Variants in USP24 observed in about 807,000 individuals in gnomAD.
The protein encoded by USP24 is ubiquitin carboxyl-terminal hydrolase 24.
USP24 carries 97 observed loss-of-function variants against 361.6 expected under a neutral mutation model. The observed-to-expected ratio is 0.27, with a 90% CI of 0.23 to 0.32. The LOEUF (loss-of-function observed/expected upper bound fraction) is 0.32. USP24 is among the 10% of genes least tolerant of loss of function. USP24 has a pLI of 1.00. For synonymous variants in USP24, 1,098 were observed against 1,124.6 expected (o/e 0.98, Z 0.47); for missense variants, 2,353 against 3,165.6 (o/e 0.74, Z 6.16).
chr1:55,068,101 A>G lies in USP24; in HGVS notation c.*944T>C, dbSNP rs1399443077. ...ATATACAACCAATACCAAGGGTTTC[A>G]GTAATTATGTTTTAAGCAAAAGCAA... On this transcript the variant is annotated 3_prime_UTR_variant, in exon 68 of 68. Transcript: ENST00000294383. 1 of 152,262 alleles carries G rather than the reference A, an allele frequency of 6.6e-6. No homozygotes were observed. Among genetic ancestry groups the G allele is most frequent in the Non-Finnish European group, 1.5e-5 (1 of 68,044 alleles). 9.4% of individuals were successfully genotyped at this position (152,262 alleles called of 1,614,324 possible).
chr1:55,090,675 G>C (rs1404736833), intron 54 of USP24, among the ~76,000 whole-genome samples: 2 of 152,088 alleles, frequency 1.3e-5, no homozygotes, highest in East Asian at 1.9e-4. Context: ...CCTTACTCTA[G>C]GTATATTCTA....
chr1:55,124,728 C>A, intron 34 of USP24, 100 bp from the exon 35 acceptor site: 1 of 1,316,312 alleles, frequency 7.6e-7, no homozygotes, highest in South Asian at 1.4e-5. Flanking sequence ...CGCCTCCTTT[C>A]CCTCCAAGGT....
chr1:55,137,331 G>A (rs1646765637), intron 28 of USP24, among the ~76,000 whole-genome samples, 184 bp downstream of exon 28: 1 of 152,198 alleles, frequency 6.6e-6, no homozygotes, highest in Non-Finnish European at 1.5e-5. Flanking sequence ...GATTTTGGAA[G>A]GAGAATGGGG....
chr1:55,135,161 A>G (rs1392060994), intron 28 of USP24, among the ~76,000 whole-genome samples: 1 of 152,138 alleles, frequency 6.6e-6, no homozygotes, highest in Non-Finnish European at 1.5e-5. Flanking sequence ...TAATTTTTAA[A>G]AAAATTGAGA....
intron 7 of USP24, among the ~76,000 whole-genome samples, chr1:55,163,254 T>A (rs959120435): frequency 6.6e-6 from 1 of 152,000 alleles, no homozygotes; most frequent in African/African-American, 2.4e-5. Flanking sequence ...AGAAAACTTT[T>A]AAGACACCAA....
intron 61 of USP24, 67 bp from the exon 62 acceptor site, chr1:55,077,367 T>C: frequency 5.0e-6 from 7 of 1,408,910 alleles, no homozygotes; most frequent in Non-Finnish European, 6.8e-6. Flanking sequence ...TTAACAATGC[T>C]GGATCCACGT....
chr1:55,089,744 T>C lies in USP24; in HGVS notation c.6555-4A>G. On this transcript the variant is annotated splice_polypyrimidine_tract_variant and splice_region_variant and intron_variant, in intron 54 of 67. Transcript: ENST00000294383. ...AATCCATTCTTCAGTATCAACCCTT[T>C]AAAAAAAAGCAGATACAGCAATGTT... The C allele has an allele frequency of 3.2e-6, 5 of 1,571,210 alleles. No individual in the cohort carries two copies. Among genetic ancestry groups the C allele is most frequent in the Non-Finnish European group, 4.3e-6 (5 of 1,156,586 alleles).
intron 60 of USP24, 25 bp from the exon 61 acceptor site, chr1:55,078,676 A>T: frequency 6.4e-7 from 1 of 1,566,872 alleles, no homozygotes; most frequent in South Asian, 1.2e-5. Flanking sequence ...TAACACAGTC[A>T]GCTATTCTCA....
intron 20 of USP24, among the ~76,000 whole-genome samples, chr1:55,145,217 G>A (rs892792286): frequency 6.6e-6 from 1 of 152,166 alleles, no homozygotes; most frequent in Non-Finnish European, 1.5e-5. Context: ...AATGTTTACA[G>A]CAGTATTAAC....
intron 56 of USP24, chr1:55,084,327 G>A (rs1557537374): frequency 6.4e-6 from 1 of 156,768 alleles, no homozygotes; most frequent in Non-Finnish European, 1.4e-5. Flanking sequence ...CCAAGCCGAT[G>A]GAGCAAATGG....
At chr1:55,135,495 AATTACCTTCAGGCTGTGTATATAAGGTGT>A (rs1343064023) in intron 28 of USP24, among the ~76,000 whole-genome samples, 1 of 152,222 alleles carries the variant, frequency 6.6e-6, no homozygotes, top group Non-Finnish European at 1.5e-5. Context: ...TGTTGTATAA[AATTACCTTCAGGCTGTGTATATAAGGTGT>A]ATATGAAACA....
At chr1:55,081,171 T>C (rs918200318) in intron 59 of USP24, 151 bp downstream of exon 59, 1 of 688,604 alleles carries the variant, frequency 1.5e-6, no homozygotes. Context: ...TATTATAAAG[T>C]TTAACATGAA....
chr1:55,145,595 G>A (rs1247132941), intron 20 of USP24, among the ~76,000 whole-genome samples: 1 of 152,146 alleles, frequency 6.6e-6, no homozygotes, highest in Non-Finnish European at 1.5e-5. Flanking sequence ...ACATAATTTT[G>A]TGAATATACT....
chr1:55,094,123 A>T, intron 51 of USP24, 36 bp from the exon 52 acceptor site: 1 of 1,571,208 alleles, frequency 6.4e-7, no homozygotes, highest in Non-Finnish European at 8.6e-7. Context: ...GTCTAGTATA[A>T]AGTGGCTATT....
In USP24 at chr1:55,110,213, C is replaced by G; in HGVS notation, c.4542G>C (p.Leu1514Phe). The change falls in exon 39 of 68, where the codon TTG becomes TTC. Residue 1514 changes from leucine to phenylalanine, a missense_variant. Physicochemically the swap from Leu to Phe is conservative, Grantham distance 22 (BLOSUM62 0). Around this residue, in one of 8 missense-constraint regions of USP24, gnomAD observed 949 missense variants for 1,280.5 expected, o/e 0.74. Coordinates refer to ENST00000294383, the MANE Select transcript of USP24 (RefSeq NM_015306.3). ...TCAGATCATCTAATAACTGGCATCT[C>G]AAATCAAAATACTCCATACACTGAG... ...LLSQCMEYFD[L>F]RCQLLDDLTT... is the part of the protein sequence containing the mutation. 1 of 1,553,738 alleles carries G rather than the reference C, an allele frequency of 6.4e-7. No homozygotes were observed.
intron 12 of USP24, among the ~76,000 whole-genome samples, chr1:55,156,302 A>G (rs935138239): frequency 2.6e-5 from 4 of 152,324 alleles, no homozygotes; most frequent in African/African-American, 7.2e-5. Context: ...CAGCATACAA[A>G]TGTAGTCAAA....
intron 21 of USP24, among the ~76,000 whole-genome samples, chr1:55,143,491 T>A (rs1310020586): frequency 6.6e-6 from 1 of 152,210 alleles, no homozygotes; most frequent in Non-Finnish European, 1.5e-5. Context: ...AAGTGGTCAC[T>A]AATTCTTGGG....
At chr1:55,160,394 T>C (rs369837678) in intron 8 of USP24, among the ~76,000 whole-genome samples, 8 of 152,354 alleles carry the variant, frequency 5.3e-5, no homozygotes, top group African/African-American at 1.9e-4. Flanking sequence ...CGAGCTGTTA[T>C]GGTTAAGAGA....
At chr1:55,188,964 C>CAAAAAAAAAAAAAAA (rs533085761) in intron 1 of USP24, among the ~76,000 whole-genome samples, 35 of 74,382 alleles carry the variant, frequency 4.7e-4, no homozygotes, top group African/African-American at 2.1e-3. Context: ...AACTCCATCT[C>CAAAAAAAAAAAAAAA]AAAAAAAAAA....
Sources: allele counts gnomAD v4.1 joint callset (sites outside exome capture counted in the v4.1 genomes callset), GRCh38; gene constraint gnomAD v4.1.1; regional missense constraint gnomAD v4.1.1; transcripts MANE v1.5; gene names NCBI Gene and HGNC (gene_info 2026-07-23, HGNC 2026-07-21).